The following NCOA2 variants were observed in gnomAD, a reference collection of about 807,000 sequenced individuals.
NCOA2 encodes the protein class E basic helix-loop-helix protein 75.
A neutral mutation model predicts 145.1 loss-of-function variants in NCOA2; 21 were observed. The ratio of observed to expected loss-of-function variants is 0.14; its 90% CI spans 0.10 to 0.21. The LOEUF (loss-of-function observed/expected upper bound fraction) is 0.21. Ranked by LOEUF, NCOA2 falls within the 10% of genes least tolerant of loss-of-function variation. NCOA2 has a pLI of 1.00. For missense variants in NCOA2, 1,472 were observed against 1,837.6 expected (o/e 0.80, Z 3.64); for synonymous variants, 619 against 637.5 (o/e 0.97, Z 0.44).
chr8:70,124,043 T>C lies in NCOA2; in HGVS notation c.4134A>G (p.Gln1378=). 6.2e-7 allele frequency: 1 copy of C among 1,613,968 alleles called. No homozygotes were observed. Among genetic ancestry groups the C allele is most frequent in the Non-Finnish European group, 8.5e-7 (1 of 1,179,848 alleles). Reference sequence around the variant, plus strand: ...TGTTACTGTACATGCTGGTGTTTGCTTGCTGCCCAAAGTGTGGTGGGGACT... The same window carrying C: ...TGTTACTGTACATGCTGGTGTTTGCCTGCTGCCCAAAGTGTGGTGGGGACT... ...SQQSPPHFGQ[Q]ANTSMYSNNM... is the part of the protein sequence containing the mutation. The change falls in exon 21 of 23, where the codon CAA becomes CAG. Residue 1378 remains glutamine (Q), a synonymous_variant. Coordinates refer to ENST00000452400, the MANE Select transcript of NCOA2 (RefSeq NM_006540.4).
chr8:70,238,126 TAGTC>T (rs989740092), intron 2 of NCOA2, among the ~76,000 whole-genome samples: 18 of 152,004 alleles, frequency 1.2e-4, no homozygotes, highest in African/African-American at 4.1e-4. Flanking sequence ...ATGGATAACT[TAGTC>T]AATGAATAAG....
intron 2 of NCOA2, among the ~76,000 whole-genome samples, chr8:70,290,846 A>G (rs1268846086): frequency 6.6e-6 from 1 of 152,210 alleles, no homozygotes; most frequent in African/African-American, 2.4e-5. Flanking sequence ...TTTGATGGAA[A>G]CAGCCTGACT....
At chr8:70,311,928 T>A (rs1429539809) in intron 1 of NCOA2, among the ~76,000 whole-genome samples, 1 of 152,244 alleles carries the variant, frequency 6.6e-6, no homozygotes, top group Non-Finnish European at 1.5e-5. Context: ...AATCTTGCAC[T>A]AAACACTTTA....
Position 70,216,314 on chromosome 8 carries a change from A to G in NCOA2, c.86+346T>C, listed in dbSNP as rs186223294. On this transcript the variant is annotated intron_variant, in intron 3 of 22. Transcript: ENST00000452400. ...TTAACATTTTATGTCTTTAAAAATA[A>G]AACAACAAAAATAAAACCCATTATA... is the stretch of plus-strand genomic sequence containing the variant. 7.6e-3 allele frequency among the ~76,000 whole-genome samples: 1,159 copies of G among 152,352 alleles called. 5 individuals carry two copies. The highest frequency in any genetic ancestry group is 0.01 in the Non-Finnish European group (693 of 68,036).
At chr8:70,236,079 G>GT (rs889600561) in intron 2 of NCOA2, among the ~76,000 whole-genome samples, 1 of 152,056 alleles carries the variant, frequency 6.6e-6, no homozygotes, top group African/African-American at 2.4e-5. Context: ...TGCCCCATGT[G>GT]TAAGATGTCA....
chr8:70,456,278 A>C, the NCOA2 span, among the ~76,000 whole-genome samples: 1 of 152,188 alleles, frequency 6.6e-6, no homozygotes, highest in African/African-American at 2.4e-5. Flanking sequence ...GAAAAAGAAT[A>C]AGGGCTAAAT....
chr8:70,122,759 A>T (rs1164213959), intron 21 of NCOA2, among the ~76,000 whole-genome samples: 1 of 152,186 alleles, frequency 6.6e-6, no homozygotes, highest in African/African-American at 2.4e-5. Context: ...AGTTCTTAAA[A>T]TTTTCACAAA....
chr8:70,128,685 G>T lies in NCOA2; in HGVS notation c.3603+17C>A, dbSNP rs1487842760. On this transcript the variant is annotated intron_variant, in intron 17 of 22. Coordinates refer to ENST00000452400, the MANE Select transcript of NCOA2 (RefSeq NM_006540.4). ...ACCCAGCACCCCTGACTTCCCAGGT[G>T]CCATCGAAGAACAGACCTGCTGTGC... is the stretch of plus-strand genomic sequence containing the variant. 2.5e-6 allele frequency: 4 copies of T among 1,610,248 alleles called. No individual in the cohort carries two copies. Among genetic ancestry groups the T allele is most frequent in the East Asian group, 4.5e-5 (2 of 44,854 alleles).
At chr8:70,351,750 A>G (rs77771353) in intron 1 of NCOA2, among the ~76,000 whole-genome samples, 3 of 144,430 alleles carry the variant, frequency 2.1e-5, no homozygotes, top group African/African-American at 7.7e-5. Context: ...CACCCCGGCT[A>G]ATTTTTTTTT....
chr8:70,343,734 C>G (rs985921962), intron 1 of NCOA2, among the ~76,000 whole-genome samples: 1 of 151,686 alleles, frequency 6.6e-6, no homozygotes, highest in Non-Finnish European at 1.5e-5. Flanking sequence ...TCGCTTGAAC[C>G]CGGGAGGCAG....
intron 21 of NCOA2, among the ~76,000 whole-genome samples, chr8:70,123,280 T>A (rs1808033148): frequency 6.6e-6 from 1 of 152,246 alleles, no homozygotes; most frequent in African/African-American, 2.4e-5. Context: ...GAAGGATCAT[T>A]TCAAACTAAC....
chr8:70,320,203 T>C (rs1032542740), intron 1 of NCOA2, among the ~76,000 whole-genome samples: 10 of 152,168 alleles, frequency 6.6e-5, no homozygotes, highest in African/African-American at 2.2e-4. Context: ...ATATGTATTT[T>C]GACATCTTGT....
chr8:70,453,337 G>C, the NCOA2 span, among the ~76,000 whole-genome samples: 1 of 152,218 alleles, frequency 6.6e-6, no homozygotes, highest in Non-Finnish European at 1.5e-5. Context: ...CAGTTGCTGA[G>C]TGGTCCCCTA....
At chr8:70,202,107 G>T (rs1440350559) in intron 4 of NCOA2, among the ~76,000 whole-genome samples, 1 of 152,124 alleles carries the variant, frequency 6.6e-6, no homozygotes, top group Non-Finnish European at 1.5e-5. Context: ...TATTCAGCAG[G>T]AAAATGCAAA....
At position 70,156,902 on chromosome 8, in the gene NCOA2, G is replaced by C; in HGVS notation, c.1463C>G (p.Pro488Arg). Residue 488 changes from proline to arginine, a missense_variant, in exon 11 of 23, where the codon CCA becomes CGA. By Grantham distance (103) the Pro-to-Arg change is moderately radical. Transcript: ENST00000452400. ...NPGQPTSMLS[P>R]RHRMSPGVAG... ...CACTCCAGGGCTCATGCGATGCCTT[G>C]GTGAAAGCATGGAGGTGGGCTGTCC... The C allele has an allele frequency of 1.2e-6, 2 of 1,614,020 alleles. No individual in the cohort carries two copies. Among genetic ancestry groups the C allele is most frequent in the Non-Finnish European group, 1.7e-6 (2 of 1,179,898 alleles).
chr8:70,247,170 G>A (rs1296245245), intron 2 of NCOA2, among the ~76,000 whole-genome samples: 1 of 152,124 alleles, frequency 6.6e-6, no homozygotes, highest in African/African-American at 2.4e-5. Flanking sequence ...GGCCACTCTG[G>A]AAGACAACAC....
At chr8:70,315,874 G>C (rs1378473539) in intron 1 of NCOA2, among the ~76,000 whole-genome samples, 1 of 152,192 alleles carries the variant, frequency 6.6e-6, no homozygotes, top group African/African-American at 2.4e-5. Context: ...AACCAAGATA[G>C]AGAAATCAGG....
intron 4 of NCOA2, among the ~76,000 whole-genome samples, chr8:70,198,543 C>T (rs539813894): frequency 2.0e-5 from 3 of 151,940 alleles, no homozygotes; most frequent in South Asian, 4.2e-4. Context: ...GTGATAGCAG[C>T]GGGGATGGAT....
chr8:70,357,286 T>C (rs915484827), intron 1 of NCOA2: 3 of 151,636 alleles, frequency 2.0e-5, no homozygotes, highest in Non-Finnish European at 4.4e-5. Context: ...AAGAATAATA[T>C]ACCTAGCTGA....
Sources: gnomAD v4.1 joint callset for allele counts (sites outside exome capture counted in the v4.1 genomes callset) on GRCh38, gnomAD v4.1.1 for gene constraint, MANE v1.5 for transcripts, NCBI Gene and HGNC (gene_info 2026-07-23, HGNC 2026-07-21) for gene names.